The following MOV10L1 variants were observed in gnomAD, a reference collection of about 807,000 sequenced individuals.
MOV10L1 encodes Mov10 like RNA helicase 1, also known as RNA helicase Mov10l1.
MOV10L1 carries 110 observed loss-of-function variants against 143.8 expected under a neutral mutation model. That is an observed-to-expected ratio of 0.76 (90% CI 0.66 to 0.90). The LOEUF (loss-of-function observed/expected upper bound fraction) is 0.90. Among genes scored for constraint, MOV10L1 ranks in the 40% least tolerant of loss-of-function variants. The pLI, the probability that MOV10L1 is intolerant of heterozygous loss-of-function variation, is 0.00. For synonymous variants in MOV10L1, 593 were observed against 581.1 expected, an observed-to-expected ratio of 1.02 and a Z score of -0.29; for missense variants, 1,406 against 1,526.8, an observed-to-expected ratio of 0.92 and a Z score of 1.32.
At chr22:50,133,467 A>G (rs1335398934) in intron 13 of MOV10L1, among the ~76,000 whole-genome samples, 3 of 150,926 alleles carry the variant, frequency 2.0e-5, no homozygotes, top group Non-Finnish European at 4.4e-5. Flanking sequence ...AAAAAAAAAA[A>G]AAAAGAAAGA....
At chr22:50,140,760 T>G (rs1389952673) in intron 15 of MOV10L1, among the ~76,000 whole-genome samples, 1 of 151,916 alleles carries the variant, frequency 6.6e-6, no homozygotes, top group Non-Finnish European at 1.5e-5. Flanking sequence ...TCTTCCTCTG[T>G]CCTCCTAACT....
chr22:50,131,130 A>C (rs1045400830), intron 13 of MOV10L1, among the ~76,000 whole-genome samples: 15 of 148,216 alleles, frequency 1.0e-4, no homozygotes, highest in African/African-American at 3.3e-4. Flanking sequence ...GAATGGTCTC[A>C]ATCTCCTGAC....
At chr22:50,160,931 C>G (rs1447582940) in intron 25 of MOV10L1, 33 bp from the exon 26 acceptor site, 2 of 1,613,428 alleles carry the variant, frequency 1.2e-6, no homozygotes, top group Non-Finnish European at 8.5e-7. Flanking sequence ...CCTTCACTTG[C>G]TCTCACACCA....
At chr22:50,142,991 G>A in intron 16 of MOV10L1, 52 bp from the exon 17 acceptor site, 1 of 1,567,442 alleles carries the variant, frequency 6.4e-7, no homozygotes. Context: ...CGTGTCCACA[G>A]CTGTTGAGAG....
intron 18 of MOV10L1, 105 bp downstream of exon 18, chr22:50,144,348 G>A (rs915571361): frequency 2.2e-6 from 3 of 1,367,490 alleles, no homozygotes; most frequent in South Asian, 1.5e-5. Context: ...GGGCACAGAG[G>A]CGCCACAGAA....
At chr22:50,111,981 C>G (rs1359777322) in intron 5 of MOV10L1, among the ~76,000 whole-genome samples, 1 of 152,184 alleles carries the variant, frequency 6.6e-6, no homozygotes, top group Admixed American at 6.5e-5. Context: ...GACAGACAGC[C>G]CTGTGTGAAC....
Position 50,145,596 on chromosome 22 carries a change from G to A in MOV10L1, c.2506-93G>A, listed in dbSNP as rs375662399. On this transcript the variant is annotated intron_variant, in intron 18 of 26. Coordinates refer to ENST00000262794, the MANE Select transcript of MOV10L1 (RefSeq NM_018995.3). ...AAAAACCTTAAATCATGACTTAGAC[G>A]TAACTAAGAAGTGGTACCAGGGCAA... 2.3e-4 allele frequency: 344 copies of A among 1,498,756 alleles called. 1 individual carries two copies. In the African/African-American group the frequency reaches 3.8e-3, roughly 16 times the overall value. 92.8% of individuals were successfully genotyped at this position (1,498,756 alleles called of 1,614,324 possible).
chr22:50,147,871 G>T (rs1050826194), intron 19 of MOV10L1, among the ~76,000 whole-genome samples: 1 of 152,234 alleles, frequency 6.6e-6, no homozygotes, highest in Non-Finnish European at 1.5e-5. Flanking sequence ...AGGGGTTCAC[G>T]GTGTCACTTG....
chr22:50,113,923 T>TC, intron 6 of MOV10L1, 135 bp downstream of exon 6: 1 of 967,320 alleles, frequency 1.0e-6, no homozygotes, highest in East Asian at 3.2e-5. Flanking sequence ...TTTTTTTTTT[T>TC]TTTTTTTTTT....
At chr22:50,130,786 C>T (rs2062651320) in intron 13 of MOV10L1, among the ~76,000 whole-genome samples, 1 of 152,216 alleles carries the variant, frequency 6.6e-6, no homozygotes, top group Admixed American at 6.5e-5. Flanking sequence ...CAGGCCTGGA[C>T]TCCTTGACCT....
chr22:50,115,917 C>G (rs2062160683), intron 8 of MOV10L1, among the ~76,000 whole-genome samples: 2 of 152,154 alleles, frequency 1.3e-5, no homozygotes, highest in Admixed American at 1.3e-4. Flanking sequence ...GCAGGAAGGG[C>G]CCCTTCCTAG....
At chr22:50,135,447 A>T (rs1318290283) in intron 15 of MOV10L1, among the ~76,000 whole-genome samples, 1 of 152,150 alleles carries the variant, frequency 6.6e-6, no homozygotes. Context: ...TGAATGTTGC[A>T]AAGATATTTT....
intron 15 of MOV10L1, among the ~76,000 whole-genome samples, chr22:50,141,206 T>G (rs974765515): frequency 2.0e-5 from 3 of 152,160 alleles, no homozygotes; most frequent in Admixed American, 1.3e-4. Flanking sequence ...GCCAGCTAAT[T>G]TTTGTATTTT....
chr22:50,150,366 C>T (rs1477489315), intron 20 of MOV10L1, among the ~76,000 whole-genome samples: 9 of 152,186 alleles, frequency 5.9e-5, no homozygotes, highest in African/African-American at 2.2e-4. Flanking sequence ...CAGGTCAAGG[C>T]AACCATGGGC....
At chr22:50,103,376 G>A (rs1413453242) in intron 3 of MOV10L1, among the ~76,000 whole-genome samples, 1 of 152,184 alleles carries the variant, frequency 6.6e-6, no homozygotes, top group Admixed American at 6.5e-5. Flanking sequence ...CTGCCATTTG[G>A]ATGAAGGCAG....
At chr22:50,141,490 G>A (rs1016529151) in intron 15 of MOV10L1, among the ~76,000 whole-genome samples, 3 of 128,496 alleles carry the variant, frequency 2.3e-5, no homozygotes, top group Admixed American at 8.7e-5. Flanking sequence ...CACCATGCCC[G>A]GCTAATTTTT....
At chr22:50,136,785 G>C (rs12159507) in intron 15 of MOV10L1, among the ~76,000 whole-genome samples, 53 of 152,346 alleles carry the variant, frequency 3.5e-4, no homozygotes, top group African/African-American at 1.2e-3. Context: ...GCATTGATCA[G>C]TGCATGATGT....
At chr22:50,154,852 G>A (rs1385342163) in intron 22 of MOV10L1, among the ~76,000 whole-genome samples, 2 of 151,982 alleles carry the variant, frequency 1.3e-5, no homozygotes, top group Admixed American at 6.5e-5. Context: ...ATTCCACCTC[G>A]TAATATTAAC....
intron 11 of MOV10L1, 67 bp downstream of exon 11, chr22:50,125,636 T>C (rs767242718): frequency 3.5e-5 from 51 of 1,474,000 alleles, no homozygotes; most frequent in Non-Finnish European, 4.3e-5. Flanking sequence ...GAGAAGATAC[T>C]CTTTAACTGG....
Sources: allele counts gnomAD v4.1 joint callset (sites outside exome capture counted in the v4.1 genomes callset), GRCh38; gene constraint gnomAD v4.1.1; transcripts MANE v1.5; gene names NCBI Gene and HGNC (gene_info 2026-07-23, HGNC 2026-07-21).